ZNF469: variants seen among roughly 807,000 people sequenced by gnomAD.
The protein encoded by ZNF469 is zinc finger protein 469.
ZNF469 carries 1 observed loss-of-function variant against 1.0 expected under a neutral mutation model. The ratio of observed to expected loss-of-function variants is 1.00; its 90% confidence interval spans 0.35 to 4.73. The LOEUF is 4.73. ZNF469 is among the 30% of genes most tolerant of loss of function. ZNF469 has a pLI of 0.16. For synonymous variants in ZNF469, 2,703 were observed against 2,363.4 expected, an observed-to-expected ratio of 1.14 and a Z score of -4.17; for missense variants, 6,100 against 5,356.3, an observed-to-expected ratio of 1.14 and a Z score of -4.33.
At chr16:88,193,180 G>T in the ZNF469 span, among the ~76,000 whole-genome samples, 3 of 18,580 alleles carry the variant, frequency 1.6e-4, no homozygotes, top group East Asian at 3.2e-3. Flanking sequence ...GGGGATGGTG[G>T]TGATGGTGGT....
the ZNF469 span, among the ~76,000 whole-genome samples, chr16:88,217,479 T>A: frequency 7.6e-4 from 115 of 151,586 alleles, 2 homozygotes; most frequent in East Asian, 0.018. Context: ...TTAGGGTACA[T>A]GTGCACATTG....
the ZNF469 span, among the ~76,000 whole-genome samples, chr16:88,200,444 G>A: frequency 2.6e-5 from 4 of 152,354 alleles, no homozygotes; most frequent in African/African-American, 4.8e-5. Flanking sequence ...CACCTGCCCC[G>A]TGGCCAGCAA....
chr16:88,250,097 G>A, the ZNF469 span, among the ~76,000 whole-genome samples: 8,946 of 152,222 alleles, frequency 0.059, 401 homozygotes, highest in East Asian at 0.17. Context: ...GCAGAAAAGC[G>A]AAGCTGTATA....
chr16:88,393,472 C>T (rs944059094), intron 1 of ZNF469, among the ~76,000 whole-genome samples: 23 of 152,176 alleles, frequency 1.5e-4, no homozygotes, highest in African/African-American at 5.5e-4. Flanking sequence ...CAGAGGGCAC[C>T]CAGGGGGGCC....
At chr16:88,293,009 G>T in the ZNF469 span, among the ~76,000 whole-genome samples, 1 of 152,154 alleles carries the variant, frequency 6.6e-6, no homozygotes, top group Non-Finnish European at 1.5e-5. Context: ...GAGATCAATG[G>T]CATGGCCTCT....
At chr16:88,380,409 A>C (rs543496242), upstream of ZNF469, among the ~76,000 whole-genome samples, 1 of 149,352 alleles carries the variant, frequency 6.7e-6, no homozygotes. Context: ...TCACACAGAC[A>C]TGCACTCACA....
At chr16:88,350,350 C>T in the ZNF469 span, among the ~76,000 whole-genome samples, 2 of 152,242 alleles carry the variant, frequency 1.3e-5, no homozygotes, top group African/African-American at 4.8e-5. Flanking sequence ...CCAGCACAAG[C>T]GCCACATCCC....
chr16:88,413,532 C>T (rs1483218309), intron 1 of ZNF469, among the ~76,000 whole-genome samples: 1 of 152,234 alleles, frequency 6.6e-6, no homozygotes, highest in Non-Finnish European at 1.5e-5. Flanking sequence ...CACTGGGCCC[C>T]GCCGTCCTGC....
At chr16:88,202,883 G>T in the ZNF469 span, among the ~76,000 whole-genome samples, 10 of 152,272 alleles carry the variant, frequency 6.6e-5, no homozygotes, top group South Asian at 1.2e-3. Flanking sequence ...TGAGGGCCTC[G>T]TGGTGGCCTT....
chr16:88,171,380 G>C, the ZNF469 span, among the ~76,000 whole-genome samples: 1 of 152,210 alleles, frequency 6.6e-6, no homozygotes, highest in African/African-American at 2.4e-5. Context: ...ATGTTTCAGA[G>C]ATTGCACCCA....
the ZNF469 span, among the ~76,000 whole-genome samples, chr16:88,333,912 G>A: frequency 2.0e-4 from 28 of 140,462 alleles, no homozygotes; most frequent in South Asian, 6.3e-3. Context: ...TTGTGCATCT[G>A]TGTGTGTCTG....
chr16:88,119,676 G>A, the ZNF469 span, among the ~76,000 whole-genome samples: 1 of 152,200 alleles, frequency 6.6e-6, no homozygotes, highest in Admixed American at 6.5e-5. Flanking sequence ...TTGGGTGGAT[G>A]CTGGCCGGCC....
At chr16:88,334,750 A>T in the ZNF469 span, among the ~76,000 whole-genome samples, 1 of 152,246 alleles carries the variant, frequency 6.6e-6, no homozygotes, top group Non-Finnish European at 1.5e-5. Flanking sequence ...TCATAAGGAA[A>T]AGGGAGCCTG....
chr16:88,157,108 T>C, the ZNF469 span, among the ~76,000 whole-genome samples: 1 of 152,102 alleles, frequency 6.6e-6, no homozygotes, highest in Non-Finnish European at 1.5e-5. Flanking sequence ...GGCTCCTGTG[T>C]CCCGGAGGCT....
the ZNF469 span, among the ~76,000 whole-genome samples, chr16:88,335,891 G>C: frequency 6.7e-6 from 1 of 148,376 alleles, no homozygotes; most frequent in South Asian, 2.1e-4. Context: ...CATCCTTCAC[G>C]TGAGGCACTA....
rs12927001 is a variant in ZNF469, at chr16:88,429,246, A to G, written c.1776A>G (p.Pro592=). The G allele has an allele frequency of 0.92, 1,432,003 of 1,549,646 alleles. 663,869 individuals carry two copies. The highest frequency in any genetic ancestry group is 0.97 in the South Asian group (81,454 of 84,040). Reference sequence around the variant, plus strand: ...TGGGAGCCTCCCCCAGCGAGTCCCCACTGCCGTCACCGGCCACCAACACGG... The same window carrying G: ...TGGGAGCCTCCCCCAGCGAGTCCCCGCTGCCGTCACCGGCCACCAACACGG... ...RVVGASPSES[P]LPSPATNTAG... The change falls in exon 3 of 3, where the codon CCA becomes CCG. Residue 592 remains proline, a synonymous_variant. Coordinates refer to ENST00000565624, the MANE Select transcript of ZNF469 (RefSeq NM_001367624.2).
the ZNF469 span, among the ~76,000 whole-genome samples, chr16:88,335,719 T>C: frequency 6.6e-6 from 1 of 152,218 alleles, no homozygotes; most frequent in African/African-American, 2.4e-5. Context: ...GAAACTCACA[T>C]GGAGGCATTG....
rs562011782 is a variant in ZNF469, at chr16:88,412,177, C to T, written c.-191-12630C>T. Among the ~76,000 whole-genome samples, 214 of 152,286 alleles carry T rather than the reference C, an allele frequency of 1.4e-3. 1 individual carries two copies. The highest frequency in any genetic ancestry group is 4.9e-3 in the African/African-American group (204 of 41,566). On this transcript the variant is annotated intron_variant, in intron 1 of 2. Transcript: ENST00000565624. ...CGCCCCCTGTCCCAGGCCCACCGTCCCAGGCCCACCCTGCTCTGCCATCCC... is the reference window on the plus strand; with the variant it reads ...CGCCCCCTGTCCCAGGCCCACCGTCTCAGGCCCACCCTGCTCTGCCATCCC...
the ZNF469 span, among the ~76,000 whole-genome samples, chr16:88,339,963 G>A: frequency 6.6e-6 from 1 of 151,976 alleles, no homozygotes; most frequent in Non-Finnish European, 1.5e-5. Context: ...AGGGGAGCGA[G>A]TGGGCGGGCC....
Sources: allele counts gnomAD v4.1 joint callset (sites outside exome capture counted in the v4.1 genomes callset), GRCh38; gene constraint gnomAD v4.1.1; transcripts MANE v1.5; gene names NCBI Gene and HGNC (gene_info 2026-07-23, HGNC 2026-07-21).